Variants in CDK13 observed in about 807,000 individuals in gnomAD.
The protein encoded by CDK13 is cyclin dependent kinase 13, also known as cyclin-dependent kinase 13.
Under a neutral mutation model 137.6 loss-of-function variants are expected in CDK13, and 40 were observed. The observed-to-expected ratio is 0.29, with a 90% CI of 0.23 to 0.38. CDK13 has a LOEUF of 0.38. CDK13 is among the 10% of genes least tolerant of loss of function. The pLI, the probability that CDK13 is intolerant of heterozygous loss-of-function variation, is 1.00. For missense variants in CDK13, 1,704 were observed against 1,951.8 expected (o/e 0.87, Z 2.39); for synonymous variants, 869 against 760.1 (o/e 1.14, Z -2.36).
intron 1 of CDK13, among the ~76,000 whole-genome samples, chr7:39,959,032 C>G (rs959498511): frequency 6.6e-6 from 1 of 152,196 alleles, no homozygotes; most frequent in African/African-American, 2.4e-5. Flanking sequence ...CTCAAATGAT[C>G]TGCCCACCTT....
chr7:40,004,364 A>C (rs1441500826), intron 5 of CDK13, among the ~76,000 whole-genome samples: 1 of 152,048 alleles, frequency 6.6e-6, no homozygotes, highest in Non-Finnish European at 1.5e-5. Flanking sequence ...TCCTACCATA[A>C]TCCTGTTTGT....
chr7:40,065,065 T>A (rs996335268), intron 9 of CDK13, among the ~76,000 whole-genome samples: 7 of 141,206 alleles, frequency 5.0e-5, no homozygotes, highest in Non-Finnish European at 7.6e-5. Flanking sequence ...TGTCTCAGCC[T>A]CCCAAAATGT....
At position 40,057,706 on chromosome 7, in the gene CDK13, C is replaced by T. The variant is rs184606500; in HGVS notation, c.2601-5120C>T. Among the ~76,000 whole-genome samples, 125 of 152,298 alleles carry T rather than the reference C, an allele frequency of 8.2e-4. No individual in the cohort carries two copies. The Middle Eastern group carries it at 0.017, about 21-fold the overall frequency. ...GGTAATAATGTAGGTACTTATAGGA[C>T]TTCTAAATTTGCTTGTGTAATAAGA... On this transcript the variant is annotated intron_variant, in intron 7 of 13. Coordinates refer to ENST00000181839, the MANE Select transcript of CDK13 (RefSeq NM_003718.5).
intron 5 of CDK13, 98 bp from the exon 6 acceptor site, chr7:40,045,738 T>G (rs889387437): frequency 3.1e-5 from 23 of 751,554 alleles, no homozygotes; most frequent in Non-Finnish European, 5.1e-5. Flanking sequence ...TTTCAAGGAT[T>G]AATTCTTCCT....
rs764395925 is a variant in CDK13, at chr7:39,976,323, TCACACACA to T, written c.1212-11247_1212-11240del. ...CTCTCTCTCTCTCTCTCTCTCTCTC[TCACACACA>T]CACACACACACACACACACACACAC... On this transcript the variant is annotated intron_variant, in intron 1 of 13. Coordinates refer to ENST00000181839, the MANE Select transcript of CDK13 (RefSeq NM_003718.5). 4.5e-3 allele frequency among the ~76,000 whole-genome samples: 177 copies of T among 39,582 alleles called. 2 individuals are homozygous for T. The East Asian group carries it at 0.055, about 12-fold the overall frequency. 26.0% of individuals were successfully genotyped at this position (39,582 alleles called of 152,430 possible). A position where few individuals can be genotyped will look rare whatever the true frequency, so the allele number is the denominator to read the frequency against.
chr7:40,027,655 CTTTTTTT>C lies in CDK13; in HGVS notation c.2354-18164_2354-18158del, dbSNP rs761581418. Among the ~76,000 whole-genome samples, 250 of 89,734 alleles carry C rather than the reference CTTTTTTT, an allele frequency of 2.8e-3. 2 individuals carry two copies. Among genetic ancestry groups the C allele is most frequent in the African/African-American group, 0.012 (230 of 18,772 alleles). The allele number at this position is 89,734 out of a possible 152,430, so 58.9% of individuals were successfully genotyped here. On this transcript the variant is annotated intron_variant, in intron 5 of 13. Coordinates refer to ENST00000181839, the MANE Select transcript of CDK13 (RefSeq NM_003718.5). ...CCTTACTTTCTATAACACCCTTGGG[CTTTTTTT>C]TTTTTTTTTTTTTTTTGAGGATTCA...
At position 39,992,163 on chromosome 7, in the gene CDK13, G is replaced by GGTGTGTGTGTGTGT. The variant is rs140203379; in HGVS notation, c.1871+3930_1871+3943dup. Among the ~76,000 whole-genome samples, 149 of 146,404 alleles carry GGTGTGTGTGTGTGT rather than the reference G, an allele frequency of 1.0e-3. 1 individual carries two copies. The highest frequency in any genetic ancestry group is 1.4e-3 in the Non-Finnish European group (94 of 66,654). On this transcript the variant is annotated intron_variant, in intron 2 of 13. Transcript: ENST00000181839. ...CTAGTTGTTTAAGAGAACTAATGAG[G>GGTGTGTGTGTGTGT]GTGTGTGTGTGTGTGTGTGTGTGTG...
chr7:40,078,656 T>A, intron 10 of CDK13, 64 bp from the exon 11 acceptor site: 1 of 995,924 alleles, frequency 1.0e-6, no homozygotes, highest in Non-Finnish European at 1.4e-6. Context: ...TAATTTAAGC[T>A]CCTAAAGAAA....
intron 5 of CDK13, among the ~76,000 whole-genome samples, chr7:40,036,969 A>G (rs1388324937): frequency 6.6e-6 from 1 of 152,200 alleles, no homozygotes; most frequent in Non-Finnish European, 1.5e-5. Flanking sequence ...CATGTTATTC[A>G]TATTAATTAA....
intron 5 of CDK13, among the ~76,000 whole-genome samples, chr7:40,014,208 A>G (rs554473350): frequency 6.6e-5 from 10 of 151,454 alleles, no homozygotes; most frequent in Non-Finnish European, 1.5e-4. Flanking sequence ...AGCTGAGACT[A>G]CAGGCAAGTG....
At position 40,094,212 on chromosome 7, in the gene CDK13, T is replaced by C; in HGVS notation, c.3771T>C (p.Pro1257=). The part of the protein sequence containing the change: ...PEPDRPRILP[P]DQRPPEPPEP... The stretch of plus-strand genomic sequence containing the variant: ...CAGACCGGCCTCGAATTCTGCCTCC[T>C]GACCAACGACCTCCCGAGCCTCCTG... Residue 1257 remains proline, a synonymous_variant, in exon 14 of 14, where the codon CCT becomes CCC. Transcript: ENST00000181839. 4 of 1,613,908 alleles carry C rather than the reference T, an allele frequency of 2.5e-6. No homozygotes were observed. Among genetic ancestry groups the C allele is most frequent in the Non-Finnish European group, 3.4e-6 (4 of 1,179,946 alleles).
At chr7:39,976,860 G>A (rs968332640) in intron 1 of CDK13, among the ~76,000 whole-genome samples, 3 of 152,126 alleles carry the variant, frequency 2.0e-5, no homozygotes, top group Admixed American at 6.5e-5. Context: ...CGAGGGGACT[G>A]CTGTACGGTA....
At chr7:40,001,720 G>C in intron 4 of CDK13, 141 bp from the exon 5 acceptor site, 1 of 665,920 alleles carries the variant, frequency 1.5e-6, no homozygotes. Flanking sequence ...ATATTATTTG[G>C]TATATTGGAA....
chr7:40,073,409 A>G (rs1786465190), intron 9 of CDK13, among the ~76,000 whole-genome samples: 1 of 151,960 alleles, frequency 6.6e-6, no homozygotes, highest in South Asian at 2.1e-4. Context: ...GGAGGCTGAG[A>G]TGGGAGGATT....
At chr7:39,966,413 C>G (rs955384188) in intron 1 of CDK13, among the ~76,000 whole-genome samples, 18 of 152,332 alleles carry the variant, frequency 1.2e-4, no homozygotes, top group African/African-American at 4.1e-4. Context: ...GCTACTGAGG[C>G]TTGTGCATTC....
At chr7:40,073,410 T>C (rs1480172343) in intron 9 of CDK13, among the ~76,000 whole-genome samples, 1 of 152,014 alleles carries the variant, frequency 6.6e-6, no homozygotes, top group Non-Finnish European at 1.5e-5. Context: ...GAGGCTGAGA[T>C]GGGAGGATTG....
chr7:40,081,359 T>A (rs577811137), intron 11 of CDK13, among the ~76,000 whole-genome samples: 3 of 152,278 alleles, frequency 2.0e-5, no homozygotes, highest in East Asian at 1.9e-4. Flanking sequence ...CTGACATTTT[T>A]AAGTAGAGCA....
At chr7:40,070,064 T>G (rs1485632113) in intron 9 of CDK13, 1 of 8,224 alleles carries the variant, frequency 1.2e-4, no homozygotes, top group Non-Finnish European at 2.3e-4. Context: ...CTACCAAAAC[T>G]ACAAAAAAAA....
intron 12 of CDK13, 76 bp downstream of exon 12, chr7:40,088,407 A>G: frequency 2.7e-6 from 3 of 1,124,282 alleles, no homozygotes; most frequent in Non-Finnish European, 3.9e-6. Flanking sequence ...TCTAATGTTA[A>G]AGCATCTTGT....
Sources: gnomAD v4.1 joint callset for allele counts (sites outside exome capture counted in the v4.1 genomes callset) on GRCh38, gnomAD v4.1.1 for gene constraint, MANE v1.5 for transcripts, NCBI Gene and HGNC (gene_info 2026-07-23, HGNC 2026-07-21) for gene names.